Variants in HERC2 observed in about 807,000 individuals in gnomAD.
HERC2 encodes the protein HECT and RLD domain containing E3 ubiquitin protein ligase 2.
In HERC2, 102 loss-of-function variants were observed where a neutral mutation model predicts 537.7. The ratio of observed to expected loss-of-function variants is 0.19; its 90% CI spans 0.16 to 0.22. HERC2 has a LOEUF of 0.22. HERC2 is among the 10% of genes least tolerant of loss of function. HERC2 has a pLI of 1.00. For synonymous variants in HERC2, 2,224 were observed against 2,466.2 expected (o/e 0.90, Z 2.91); for missense variants, 4,236 against 6,198.2 (o/e 0.68, Z 10.63).
At position 28,122,020 on chromosome 15, in the gene HERC2, G is replaced by A. The variant is rs998615074; in HGVS notation, c.13189-591C>T. ...GCACCGCGGAGCCAGCCGGACCTTG[G>A]ATCGCCACTGCCTGCCATACAGCAG... On this transcript the variant is annotated intron_variant, in intron 85 of 92. Coordinates refer to ENST00000261609, the MANE Select transcript of HERC2 (RefSeq NM_004667.6). The surrounding 1 kb of genome is among the most constrained non-coding windows in gnomAD (Gnocchi z 4.1). Among the ~76,000 whole-genome samples, 4 of 149,106 alleles carry A rather than the reference G, an allele frequency of 2.7e-5. No homozygotes were observed. Among genetic ancestry groups the A allele is most frequent in the African/African-American group, 9.9e-5 (4 of 40,516 alleles).
intron 57 of HERC2, among the ~76,000 whole-genome samples, chr15:28,180,324 G>C (rs954047850): frequency 6.6e-6 from 1 of 152,142 alleles, no homozygotes; most frequent in Admixed American, 6.5e-5. Flanking sequence ...TTTGTGTTAA[G>C]TACACTCTAT....
chr15:28,138,272 G>C (rs1347543950), intron 78 of HERC2, among the ~76,000 whole-genome samples: 1 of 152,154 alleles, frequency 6.6e-6, no homozygotes, highest in African/African-American at 2.4e-5. Context: ...CTAAACAACA[G>C]GCTTTCAACG....
chr15:28,238,265 G>C (rs1902669522), intron 24 of HERC2, 48 bp from the exon 25 acceptor site: 1 of 1,298,146 alleles, frequency 7.7e-7, no homozygotes, highest in Non-Finnish European at 1.1e-6. Flanking sequence ...CAGCTTGCCT[G>C]AAGAGATATA....
chr15:28,312,198 G>C (rs1182381584), intron 2 of HERC2, among the ~76,000 whole-genome samples: 1 of 152,300 alleles, frequency 6.6e-6, no homozygotes, highest in Non-Finnish European at 1.5e-5. Flanking sequence ...CCTCACTGGA[G>C]GAGGTCTCCA....
intron 56 of HERC2, among the ~76,000 whole-genome samples, chr15:28,185,070 G>C (rs1896173863): frequency 6.7e-6 from 1 of 149,586 alleles, no homozygotes; most frequent in Non-Finnish European, 1.5e-5. Flanking sequence ...ACAGCATATA[G>C]TATAACATAT....
At position 28,269,133 on chromosome 15, in the gene HERC2, A is replaced by G. The variant is rs1261442537; in HGVS notation, c.1446+115T>C. On this transcript the variant is annotated intron_variant, in intron 11 of 92. Transcript: ENST00000261609. Reference sequence around the variant, plus strand: ...TTAAACATAATATACAATAAACAGAACTTTGTCAATCTTCAGAAATCAAAC... The same window carrying G: ...TTAAACATAATATACAATAAACAGAGCTTTGTCAATCTTCAGAAATCAAAC... 3 of 739,236 alleles carry G rather than the reference A, an allele frequency of 4.1e-6. No individual in the cohort carries two copies. The Admixed American group carries it at 8.6e-5, about 21-fold the overall frequency. The allele number at this position is 739,236 out of a possible 1,614,324, so 45.8% of individuals were successfully genotyped here.
In HERC2 at chr15:28,177,481, G is replaced by A. The variant is rs61756154; in HGVS notation, c.9192C>T (p.Val3064=). ...SGGRHATALT[V]DGKVFSWGEG... is the part of the protein sequence containing the mutation. ...CGCCCCACGAAAACACTTTTCCATC[G>A]ACAGTTAAAGCCGTCGCGTGCCGGC... Residue 3064 remains valine (V), a synonymous_variant, in exon 60 of 93, where the codon GTC becomes GTT. Transcript: ENST00000261609. This position sits in a 1 kb window ranked among gnomAD's most constrained non-coding sequence, Gnocchi z 5.0. The A allele has an allele frequency of 4.1e-3, 6,665 of 1,614,158 alleles. 247 individuals carry two copies. In the African/African-American group the frequency reaches 0.077, roughly 19 times the overall value.
intron 2 of HERC2, among the ~76,000 whole-genome samples, chr15:28,317,979 T>C (rs193199701): frequency 1.1e-3 from 161 of 152,218 alleles, no homozygotes; most frequent in African/African-American, 3.7e-3. Flanking sequence ...AACACAAAAA[T>C]AGAAACTGTA....
intron 20 of HERC2, 71 bp downstream of exon 20, chr15:28,254,269 G>C: frequency 1.8e-6 from 2 of 1,131,722 alleles, no homozygotes; most frequent in South Asian, 1.5e-5. Context: ...GGCAACAAGA[G>C]CGAACTCTGT....
In HERC2 at chr15:28,132,850, T is replaced by G; in HGVS notation, c.12231-20A>C. 6.6e-7 allele frequency: 1 copy of G among 1,511,738 alleles called. No individual in the cohort carries two copies. Among genetic ancestry groups the G allele is most frequent in the South Asian group, 1.3e-5 (1 of 78,934 alleles). The allele number at this position is 1,511,738 out of a possible 1,614,324, so 93.6% of individuals were successfully genotyped here. A position where few individuals can be genotyped will look rare whatever the true frequency, so the allele number is the denominator to read the frequency against. On this transcript the variant is annotated intron_variant, in intron 79 of 92. Transcript: ENST00000261609. Reference sequence around the variant, plus strand: ...CACGGACTGCAAAAAAGTCACCAAATATAATGGAAACACATTTTTATTCTT... The same window carrying G: ...CACGGACTGCAAAAAAGTCACCAAAGATAATGGAAACACATTTTTATTCTT...
At chr15:28,203,148 C>T (rs1175827097) in intron 45 of HERC2, 2 of 93,608 alleles carry the variant, frequency 2.1e-5, no homozygotes, top group Admixed American at 2.5e-4. Context: ...AGTTGGGAAA[C>T]ACACTGCAAT....
chr15:28,189,867 T>A (rs1301493981), intron 55 of HERC2, among the ~76,000 whole-genome samples: 1 of 152,158 alleles, frequency 6.6e-6, no homozygotes, highest in Non-Finnish European at 1.5e-5. Context: ...CTACATTTAA[T>A]AATTAAAAAA....
At chr15:28,275,063 C>T in intron 5 of HERC2, 58 bp from the exon 6 acceptor site, 1 of 1,084,420 alleles carries the variant, frequency 9.2e-7, no homozygotes, top group Non-Finnish European at 1.4e-6. Context: ...GCAGATACTA[C>T]ATAAAATCAA....
chr15:28,155,609 G>GA (rs538517803), intron 69 of HERC2, among the ~76,000 whole-genome samples: 1 of 142,946 alleles, frequency 7.0e-6, no homozygotes, highest in African/African-American at 3.1e-5. Context: ...TTGTTGATGG[G>GA]GTTGTTTTTT....
intron 7 of HERC2, 43 bp from the exon 8 acceptor site, chr15:28,273,047 A>T: frequency 7.3e-7 from 1 of 1,371,470 alleles, no homozygotes; most frequent in Non-Finnish European, 1.0e-6. Context: ...CAACCTCCAG[A>T]AAGACAGCAT....
chr15:28,215,893 T>C, intron 38 of HERC2, 91 bp from the exon 39 acceptor site: 1 of 952,170 alleles, frequency 1.1e-6, no homozygotes, highest in Non-Finnish European at 1.6e-6. Flanking sequence ...ACTTATTTTA[T>C]TTTTCTAAAA....
chr15:28,244,172 A>AT (rs1178068619), intron 23 of HERC2, among the ~76,000 whole-genome samples: 1 of 152,218 alleles, frequency 6.6e-6, no homozygotes, highest in East Asian at 1.9e-4. Context: ...CTCAAAAAAA[A>AT]AGGTAACATA....
chr15:28,161,949 A>C (rs1893642262), intron 69 of HERC2, among the ~76,000 whole-genome samples: 2 of 152,234 alleles, frequency 1.3e-5, no homozygotes, highest in Non-Finnish European at 1.5e-5. Flanking sequence ...TCTAGGAAAA[A>C]AAGTAAAGTT....
At chr15:28,206,830 C>T in intron 44 of HERC2, among the ~76,000 whole-genome samples, 1 of 46,526 alleles carries the variant, frequency 2.1e-5, no homozygotes, top group South Asian at 1.0e-3. Flanking sequence ...AAGACTCGGT[C>T]TCAAAAAAAA....
Sources: gnomAD v4.1 joint callset for allele counts (sites outside exome capture counted in the v4.1 genomes callset) on GRCh38, gnomAD v4.1.1 for gene constraint, Gnocchi (gnomAD v3.1) non-coding constraint, MANE v1.5 for transcripts, NCBI Gene and HGNC (gene_info 2026-07-23, HGNC 2026-07-21) for gene names.